The following DRC8 variants were observed in gnomAD, a reference collection of about 807,000 sequenced individuals.
The protein encoded by DRC8 is dynein regulatory complex subunit 8.
At chr1:245,017,685 A>G in the DRC8 span, among the ~76,000 whole-genome samples, 1 of 152,190 alleles carries the variant, frequency 6.6e-6, no homozygotes, top group Non-Finnish European at 1.5e-5. Context: ...ACACATAAAT[A>G]TGTATTATAA....
At chr1:245,081,665 C>T in the DRC8 span, among the ~76,000 whole-genome samples, 1 of 151,950 alleles carries the variant, frequency 6.6e-6, no homozygotes, top group Non-Finnish European at 1.5e-5. Context: ...GACGGGGTTT[C>T]ACCATGTTGG....
chr1:245,024,382 G>T, the DRC8 span, among the ~76,000 whole-genome samples: 1 of 152,026 alleles, frequency 6.6e-6, no homozygotes, highest in South Asian at 2.1e-4. Flanking sequence ...ACAATTTTTG[G>T]TAGATGTTGC....
chr1:244,983,231 C>T, the DRC8 span, among the ~76,000 whole-genome samples: 15 of 152,186 alleles, frequency 9.9e-5, no homozygotes, highest in African/African-American at 3.4e-4. Context: ...TGAATTTTGC[C>T]ATTTCAGTGT....
At chr1:245,039,838 C>T in the DRC8 span, among the ~76,000 whole-genome samples, 54 of 152,300 alleles carry the variant, frequency 3.5e-4, 1 homozygote, top group East Asian at 0.01. Context: ...ATACTACACA[C>T]AAGTGAGTTT....
the DRC8 span, among the ~76,000 whole-genome samples, chr1:245,002,648 A>G: frequency 6.6e-6 from 1 of 151,974 alleles, no homozygotes; most frequent in Non-Finnish European, 1.5e-5. Flanking sequence ...TTTCCTGAGT[A>G]GCTGGGACTA....
the DRC8 span, among the ~76,000 whole-genome samples, chr1:245,027,011 T>G: frequency 6.6e-6 from 1 of 152,206 alleles, no homozygotes; most frequent in African/African-American, 2.4e-5. Flanking sequence ...TAACATCTGT[T>G]AAATCTTGGT....
chr1:245,092,980 T>C, the DRC8 span, among the ~76,000 whole-genome samples: 1 of 152,172 alleles, frequency 6.6e-6, no homozygotes, highest in Non-Finnish European at 1.5e-5. Context: ...TTAAATGAAA[T>C]AATAAAAGTG....
At chr1:245,036,048 C>T in the DRC8 span, among the ~76,000 whole-genome samples, 1 of 130,916 alleles carries the variant, frequency 7.6e-6, no homozygotes, top group East Asian at 2.1e-4. Context: ...TGAATTTCAC[C>T]AAAATTAAAA....
chr1:245,027,315 G>A, the DRC8 span, among the ~76,000 whole-genome samples: 1 of 151,884 alleles, frequency 6.6e-6, no homozygotes, highest in Non-Finnish European at 1.5e-5. Context: ...TAAAATAAGT[G>A]GATAGAAGGG....
the DRC8 span, among the ~76,000 whole-genome samples, chr1:245,118,662 A>G: frequency 1.3e-5 from 2 of 151,980 alleles, no homozygotes; most frequent in South Asian, 2.1e-4. Flanking sequence ...GTGGTGGTGC[A>G]TGCCTGTAAT....
chr1:244,984,109 C>T, the DRC8 span, among the ~76,000 whole-genome samples: 2 of 151,824 alleles, frequency 1.3e-5, no homozygotes, highest in African/African-American at 4.8e-5. Context: ...TGTATGCCAC[C>T]GTACCTGGCT....
chr1:245,039,374 T>G, the DRC8 span, among the ~76,000 whole-genome samples: 1 of 128,624 alleles, frequency 7.8e-6, no homozygotes. Flanking sequence ...GCTCAGGAGG[T>G]TGAGGTGGTT....
chr1:245,049,000 T>C, the DRC8 span, among the ~76,000 whole-genome samples: 18 of 151,672 alleles, frequency 1.2e-4, no homozygotes, highest in Admixed American at 3.3e-4. Flanking sequence ...TTTTTTTTTT[T>C]TTTGAGACAG....
the DRC8 span, among the ~76,000 whole-genome samples, chr1:244,974,944 T>A: frequency 8.6e-5 from 13 of 151,954 alleles, no homozygotes; most frequent in East Asian, 1.9e-4. Flanking sequence ...TTTTATTTTT[T>A]TTTTGAGATG....
chr1:245,109,822 C>A, the DRC8 span, among the ~76,000 whole-genome samples: 9 of 152,224 alleles, frequency 5.9e-5, no homozygotes, highest in South Asian at 1.7e-3. Flanking sequence ...AACCACTGGG[C>A]TGAACTACCT....
the DRC8 span, chr1:245,087,371 G>T: frequency 6.4e-7 from 1 of 1,567,294 alleles, no homozygotes; most frequent in Non-Finnish European, 8.6e-7. Flanking sequence ...ATGTTCTAAA[G>T]ATAATTTCTG....
chr1:245,098,752 T>A, the DRC8 span, among the ~76,000 whole-genome samples: 3 of 152,368 alleles, frequency 2.0e-5, no homozygotes, highest in South Asian at 2.1e-4. Flanking sequence ...GAAATTCTTG[T>A]GACCTTCAGT....
chr1:245,058,736 T>C, the DRC8 span, among the ~76,000 whole-genome samples: 1 of 152,258 alleles, frequency 6.6e-6, no homozygotes, highest in African/African-American at 2.4e-5. Context: ...AACTACGTTA[T>C]GATGGGGGCA....
the DRC8 span, among the ~76,000 whole-genome samples, chr1:245,044,550 GATTT>G: frequency 0.012 from 1,733 of 149,992 alleles, 24 homozygotes; most frequent in African/African-American, 0.034. Context: ...GCCCAGGCTG[GATTT>G]ATTTATTTAT....
Sources: gnomAD v4.1 joint callset for allele counts (sites outside exome capture counted in the v4.1 genomes callset) on GRCh38, gnomAD v4.1.1 for gene constraint, MANE v1.5 for transcripts, NCBI Gene and HGNC (gene_info 2026-07-23, HGNC 2026-07-21) for gene names.